The following CNTNAP5 variants were observed in gnomAD, a reference collection of about 807,000 sequenced individuals.
The protein encoded by CNTNAP5 is contactin-associated protein-like 5.
In CNTNAP5, 72 loss-of-function variants were observed where a neutral mutation model predicts 150.2. The observed-to-expected ratio is 0.48, with a 90% CI of 0.40 to 0.58. The LOEUF (loss-of-function observed/expected upper bound fraction) is 0.58, where lower values mean the gene tolerates loss of function less well. Among genes scored for constraint, CNTNAP5 ranks in the 20% least tolerant of loss-of-function variants. The pLI, the probability that CNTNAP5 is intolerant of heterozygous loss-of-function variation, is 0.00. For missense variants in CNTNAP5, 1,636 were observed against 1,626.2 expected (o/e 1.01, Z -0.10); for synonymous variants, 672 against 619.8 (o/e 1.08, Z -1.25).
intron 11 of CNTNAP5, among the ~76,000 whole-genome samples, chr2:124,572,328 G>A (rs59694583): frequency 0.22 from 34,013 of 151,784 alleles, 4,459 homozygotes; most frequent in African/African-American, 0.36. Flanking sequence ...GGGGTGGGAG[G>A]AGTGAGAGAA....
At chr2:124,521,790 G>A (rs1375094372) in intron 8 of CNTNAP5, among the ~76,000 whole-genome samples, 1 of 152,092 alleles carries the variant, frequency 6.6e-6, no homozygotes, top group Admixed American at 6.6e-5. Flanking sequence ...TTTTTAAAAA[G>A]GACTTACAAT....
chr2:124,567,882 TATAG>T (rs1553480454), intron 11 of CNTNAP5, among the ~76,000 whole-genome samples: 7 of 137,904 alleles, frequency 5.1e-5, no homozygotes, highest in South Asian at 2.3e-4. Context: ...GATAGATAGA[TATAG>T]ATAGATAGAT....
chr2:124,115,741 C>T (rs951443315), intron 1 of CNTNAP5, among the ~76,000 whole-genome samples: 3 of 147,480 alleles, frequency 2.0e-5, no homozygotes, highest in Non-Finnish European at 4.4e-5. Flanking sequence ...CTTGATGCCT[C>T]AGCCTCCTGA....
chr2:124,707,469 T>C (rs1679715602), intron 13 of CNTNAP5, among the ~76,000 whole-genome samples: 1 of 152,220 alleles, frequency 6.6e-6, no homozygotes, highest in African/African-American at 2.4e-5. Flanking sequence ...TATTTCATTA[T>C]CTAAATAAAT....
intron 3 of CNTNAP5, among the ~76,000 whole-genome samples, chr2:124,287,532 G>T (rs887303909): frequency 6.6e-6 from 1 of 152,136 alleles, no homozygotes. Context: ...CCATCCGTAT[G>T]TTTAAAAAGA....
intron 3 of CNTNAP5, among the ~76,000 whole-genome samples, chr2:124,326,635 G>A (rs1689224990): frequency 6.6e-6 from 1 of 152,104 alleles, no homozygotes; most frequent in African/African-American, 2.4e-5. Flanking sequence ...CTTAAAATGA[G>A]CATTATAGGC....
At position 124,798,215 on chromosome 2, in the gene CNTNAP5, A is replaced by G. The variant is rs1337071949; in HGVS notation, c.3112A>G (p.Lys1038Glu). 2.5e-6 allele frequency: 4 copies of G among 1,613,806 alleles called. No individual in the cohort carries two copies. In the Admixed American group the frequency reaches 6.7e-5, roughly 27 times the overall value. ...SAIYTDSAPS[K>E]ENIALSFVTT... ...TATTTACACAGATTCAGCTCCATCCAAGGAAAACATTGCACTTAGCTTTGT... is the reference window on the plus strand; with the variant it reads ...TATTTACACAGATTCAGCTCCATCCGAGGAAAACATTGCACTTAGCTTTGT... The change falls in exon 19 of 24, where the codon AAG becomes GAG. Residue 1038 changes from lysine to glutamate, a missense_variant. Coordinates refer to ENST00000682447, the MANE Select transcript of CNTNAP5 (RefSeq NM_001367498.1).
chr2:124,904,829 T>C (rs1678497368), intron 22 of CNTNAP5, among the ~76,000 whole-genome samples: 1 of 151,832 alleles, frequency 6.6e-6, no homozygotes, highest in Non-Finnish European at 1.5e-5. Flanking sequence ...TATATATATA[T>C]GTTTACATGA....
intron 1 of CNTNAP5, among the ~76,000 whole-genome samples, chr2:124,156,574 C>A (rs1684554141): frequency 6.6e-6 from 1 of 152,178 alleles, no homozygotes. Context: ...TGGCTCCCTG[C>A]AACCTCCGCT....
intron 21 of CNTNAP5, among the ~76,000 whole-genome samples, chr2:124,876,292 G>T (rs1677859583): frequency 6.6e-6 from 1 of 152,010 alleles, no homozygotes; most frequent in South Asian, 2.1e-4. Flanking sequence ...ACCCAGCTAT[G>T]GCTGTGAAGA....
chr2:124,654,479 T>C (rs1378263915), intron 13 of CNTNAP5, among the ~76,000 whole-genome samples: 1 of 152,122 alleles, frequency 6.6e-6, no homozygotes, highest in Non-Finnish European at 1.5e-5. Context: ...TAACCTCACA[T>C]TCTAATTCGG....
At chr2:124,327,970 T>A (rs1424681910) in intron 3 of CNTNAP5, among the ~76,000 whole-genome samples, 1 of 152,122 alleles carries the variant, frequency 6.6e-6, no homozygotes, top group Non-Finnish European at 1.5e-5. Flanking sequence ...GAAAATTAAA[T>A]GAGTATTTTT....
intron 1 of CNTNAP5, 140 bp from the exon 2 acceptor site, chr2:124,221,565 A>G (rs1405457403): frequency 1.7e-6 from 1 of 603,576 alleles, no homozygotes; most frequent in Admixed American, 2.7e-5. Flanking sequence ...GCAGTAACAC[A>G]TGGAAACCGG....
At chr2:124,563,679 A>T (rs962798722) in intron 11 of CNTNAP5, among the ~76,000 whole-genome samples, 1 of 152,180 alleles carries the variant, frequency 6.6e-6, no homozygotes, top group African/African-American at 2.4e-5. Context: ...TAATAAACAA[A>T]CTAACATCTC....
At chr2:124,347,336 C>T (rs1423969736) in intron 3 of CNTNAP5, among the ~76,000 whole-genome samples, 1 of 152,130 alleles carries the variant, frequency 6.6e-6, no homozygotes, top group Non-Finnish European at 1.5e-5. Flanking sequence ...TTCTTCACTG[C>T]AGAGCGTGAC....
chr2:124,566,146 A>G (rs987537291), intron 11 of CNTNAP5, among the ~76,000 whole-genome samples: 4 of 140,658 alleles, frequency 2.8e-5, no homozygotes, highest in Admixed American at 2.8e-4. Flanking sequence ...CAGGACCCCC[A>G]TAAGGCTGTC....
At chr2:124,313,448 GGT>G (rs2104660162) in intron 3 of CNTNAP5, among the ~76,000 whole-genome samples, 1 of 152,244 alleles carries the variant, frequency 6.6e-6, no homozygotes, top group East Asian at 1.9e-4. Context: ...ACCCAAGAAA[GGT>G]GTGAACAGTA....
At position 124,609,832 on chromosome 2, in the gene CNTNAP5, G is replaced by A. The variant is rs1677340251; in HGVS notation, c.1788G>A (p.Arg596=). The A allele has an allele frequency of 6.2e-7, 1 of 1,613,932 alleles. No homozygotes were observed. The highest frequency in any genetic ancestry group is 8.5e-7 in the Non-Finnish European group (1 of 1,179,864). Residue 596 remains arginine (R), a synonymous_variant, in exon 12 of 24, where the codon AGG becomes AGA. Coordinates refer to ENST00000682447, the MANE Select transcript of CNTNAP5 (RefSeq NM_001367498.1). ...SIYEQSCEVY[R]HQGNTAGFFY... is the part of the protein sequence containing the mutation. ...ACGAGCAATCCTGCGAGGTGTACAGGCACCAGGGGAATACAGCCGGCTTCT... is the reference window on the plus strand; with the variant it reads ...ACGAGCAATCCTGCGAGGTGTACAGACACCAGGGGAATACAGCCGGCTTCT...
At chr2:124,070,442 C>T (rs1236551911) in intron 1 of CNTNAP5, among the ~76,000 whole-genome samples, 1 of 145,912 alleles carries the variant, frequency 6.9e-6, no homozygotes, top group African/African-American at 2.5e-5. Flanking sequence ...TGATCTGTTG[C>T]CTTTAAGAAA....
Sources: allele counts gnomAD v4.1 joint callset (sites outside exome capture counted in the v4.1 genomes callset), GRCh38; gene constraint gnomAD v4.1.1; transcripts MANE v1.5; gene names NCBI Gene and HGNC (gene_info 2026-07-23, HGNC 2026-07-21).